The following PCDHA1 variants were observed in gnomAD, a reference collection of about 807,000 sequenced individuals.
PCDHA1 encodes protocadherin alpha-1.
Under a neutral mutation model 61.3 loss-of-function variants are expected in PCDHA1, and 42 were observed. That is an observed-to-expected ratio of 0.69 (90% CI 0.54 to 0.89). The LOEUF (loss-of-function observed/expected upper bound fraction) is 0.89. Ranked by LOEUF, PCDHA1 falls within the 40% of genes least tolerant of loss-of-function variation. PCDHA1 has a pLI of 0.00. For missense variants in PCDHA1, 1,256 were observed against 1,235.3 expected (o/e 1.02, Z -0.25); for synonymous variants, 610 against 553.8 (o/e 1.10, Z -1.43).
Position 140,877,000 on chromosome 5 carries a change from G to A in PCDHA1, c.2394+88316G>A, listed in dbSNP as rs191376557. The stretch of plus-strand genomic sequence containing the variant: ...GCACGCACTGTCGAGCTACGTGTCG[G>A]TGCACGCGGAGAGCGGCAAGGTGTA... On this transcript the variant is annotated intron_variant, in intron 1 of 3. Transcript: ENST00000504120. 1.7e-3 allele frequency: 2,818 copies of A among 1,612,598 alleles called. 5 individuals carry two copies. The highest frequency in any genetic ancestry group is 1.8e-3 in the Non-Finnish European group (2,166 of 1,179,806).
At chr5:140,978,788 T>TA (rs2096823213) in intron 1 of PCDHA1, 161 bp from the exon 2 acceptor site, 1 of 974,810 alleles carries the variant, frequency 1.0e-6, no homozygotes, top group Non-Finnish European at 1.2e-6. Flanking sequence ...TCTAAAGTGC[T>TA]ATATATGTAG....
At chr5:140,997,118 C>A (rs1319289091) in intron 3 of PCDHA1, among the ~76,000 whole-genome samples, 24 of 152,088 alleles carry the variant, frequency 1.6e-4, no homozygotes, top group Non-Finnish European at 3.1e-4. Context: ...TGCTCTCCCA[C>A]ATACACAATG....
intron 1 of PCDHA1, chr5:140,882,074 G>C (rs1276421996): frequency 1.1e-6 from 1 of 886,834 alleles, no homozygotes. Context: ...CATGCGCATG[G>C]TGTCGCTCTT....
At chr5:140,806,259 G>A (rs1043589600) in intron 1 of PCDHA1, among the ~76,000 whole-genome samples, 1 of 152,104 alleles carries the variant, frequency 6.6e-6, no homozygotes, top group Non-Finnish European at 1.5e-5. Context: ...ATTGGAAGCA[G>A]GAAATATTCA....
At chr5:140,836,475 G>C in intron 1 of PCDHA1, 1 of 1,613,846 alleles carries the variant, frequency 6.2e-7, no homozygotes, top group Non-Finnish European at 8.5e-7. Context: ...GGATGTCAAC[G>C]TGTACCTGAT....
At chr5:140,821,106 A>G (rs1334946350) in intron 1 of PCDHA1, among the ~76,000 whole-genome samples, 1 of 152,190 alleles carries the variant, frequency 6.6e-6, no homozygotes, top group African/African-American at 2.4e-5. Flanking sequence ...AAATGTCACT[A>G]TTAAACAGTG....
intron 1 of PCDHA1, chr5:140,858,274 G>T: frequency 6.3e-7 from 1 of 1,597,416 alleles, no homozygotes; most frequent in Non-Finnish European, 8.6e-7. Flanking sequence ...GCTCTAGCGC[G>T]GTGGGGAGCT....
intron 1 of PCDHA1, among the ~76,000 whole-genome samples, chr5:140,897,765 C>T (rs1305140331): frequency 6.6e-6 from 1 of 152,216 alleles, no homozygotes; most frequent in Admixed American, 6.5e-5. Flanking sequence ...AATCGCCACA[C>T]TGACTTCCAC....
At chr5:140,877,376 G>C in intron 1 of PCDHA1, 1 of 1,614,014 alleles carries the variant, frequency 6.2e-7, no homozygotes, top group South Asian at 1.1e-5. Flanking sequence ...AGCACGACAC[G>C]CATCCTGGAT....
intron 1 of PCDHA1, chr5:140,795,086 A>G (rs1761913438): frequency 1.9e-6 from 3 of 1,613,986 alleles, no homozygotes; most frequent in Non-Finnish European, 2.5e-6. Flanking sequence ...GAGGCCAAAC[A>G]CGGCACCTTC....
chr5:140,832,930 G>A (rs2150205198), intron 1 of PCDHA1, among the ~76,000 whole-genome samples: 32 of 152,268 alleles, frequency 2.1e-4, no homozygotes, highest in African/African-American at 7.7e-4. Flanking sequence ...GTATTCATGA[G>A]AAGAGAGTAA....
chr5:140,951,841 AAAAGTCC>A (rs1266500275), intron 1 of PCDHA1, among the ~76,000 whole-genome samples: 1 of 152,182 alleles, frequency 6.6e-6, no homozygotes, highest in African/African-American at 2.4e-5. Context: ...GCATTAAGCC[AAAAGTCC>A]AAAGTCCAAA....
rs3733707 is a variant in PCDHA1, at chr5:140,802,307, T to C, written c.2394+13623T>C. The C allele has an allele frequency of 0.54, 871,125 of 1,614,014 alleles. 237,206 individuals carry two copies. The highest frequency in any genetic ancestry group is 0.73 in the African/African-American group (54,740 of 75,008). The stretch of plus-strand genomic sequence containing the variant: ...ACTCTCCACTTAGCACAGTCATCGC[T>C]CTGATCAGCGTGTCCGACCGCGACT... On this transcript the variant is annotated intron_variant, in intron 1 of 3. Transcript: ENST00000504120.
chr5:140,796,870 G>A (rs1762150875), intron 1 of PCDHA1: 1 of 1,613,910 alleles, frequency 6.2e-7, no homozygotes, highest in African/African-American at 1.3e-5. Flanking sequence ...CACGACACGT[G>A]CCCTAGACGA....
At chr5:140,969,847 A>G (rs2096364168) in intron 1 of PCDHA1, among the ~76,000 whole-genome samples, 1 of 152,150 alleles carries the variant, frequency 6.6e-6, no homozygotes. Flanking sequence ...TATCTAGTTA[A>G]TATTTCTGGT....
intron 1 of PCDHA1, among the ~76,000 whole-genome samples, chr5:140,874,504 C>A (rs2054953142): frequency 6.6e-6 from 1 of 152,198 alleles, no homozygotes; most frequent in Admixed American, 6.5e-5. Flanking sequence ...AGTTCACATT[C>A]TCTTGACTTT....
At position 140,858,257 on chromosome 5, in the gene PCDHA1, C is replaced by G; in HGVS notation, c.2394+69573C>G. ...CGCATGTGGGCCGGTGAAGCCCACGCTGGTGTGCTCTAGCGCGGTGGGGAG... is the reference window on the plus strand; with the variant it reads ...CGCATGTGGGCCGGTGAAGCCCACGGTGGTGTGCTCTAGCGCGGTGGGGAG... On this transcript the variant is annotated intron_variant, in intron 1 of 3. Transcript: ENST00000504120. 2 of 1,596,668 alleles carry G rather than the reference C, an allele frequency of 1.3e-6. 1 individual carries two copies. Among genetic ancestry groups the G allele is most frequent in the Non-Finnish European group, 1.7e-6 (2 of 1,166,542 alleles).
chr5:140,864,688 C>G (rs1324668554), intron 1 of PCDHA1: 2 of 152,164 alleles, frequency 1.3e-5, no homozygotes, highest in Admixed American at 1.3e-4. Context: ...CTGCTGTCCT[C>G]CAGTTTAAGT....
chr5:140,941,199 C>CTCCCT (rs2092799099), intron 1 of PCDHA1, among the ~76,000 whole-genome samples: 1 of 115,882 alleles, frequency 8.6e-6, no homozygotes, highest in South Asian at 2.6e-4. Flanking sequence ...TTTTTTCTTT[C>CTCCCT]TTCCTTTCTT....
Sources: allele counts gnomAD v4.1 joint callset (sites outside exome capture counted in the v4.1 genomes callset), GRCh38; gene constraint gnomAD v4.1.1; transcripts MANE v1.5; gene names NCBI Gene and HGNC (gene_info 2026-07-23, HGNC 2026-07-21).